Variants in WWOX observed in about 807,000 individuals in gnomAD.
WWOX encodes WW domain containing oxidoreductase.
WWOX carries 69 observed loss-of-function variants against 46.2 expected under a neutral mutation model. The observed-to-expected ratio is 1.49, with a 90% CI of 1.23 to 1.82. The LOEUF is 1.82. Among genes scored for constraint, WWOX ranks in the 40% most tolerant of loss-of-function variants. The pLI is 0.00. For missense variants in WWOX, 919 were observed against 542.6 expected (o/e 1.69, Z -6.89); for synonymous variants, 359 against 202.6 (o/e 1.77, Z -6.56).
intron 4 of WWOX, among the ~76,000 whole-genome samples, chr16:78,118,663 CT>C (rs1196966575): frequency 6.6e-6 from 1 of 152,178 alleles, no homozygotes; most frequent in African/African-American, 2.4e-5. Context: ...GCTCGCAAAA[CT>C]GTAAATATTT....
intron 4 of WWOX, among the ~76,000 whole-genome samples, chr16:78,121,362 C>G (rs2033083685): frequency 6.6e-6 from 1 of 152,112 alleles, no homozygotes; most frequent in Admixed American, 6.5e-5. Flanking sequence ...AGATTCTTGA[C>G]AGTGTTAGAC....
chr16:79,130,238 C>T (rs1014393786), intron 8 of WWOX, among the ~76,000 whole-genome samples: 3 of 152,162 alleles, frequency 2.0e-5, no homozygotes, highest in Admixed American at 2.0e-4. Context: ...GTACCACATA[C>T]AACAGAGGGG....
intron 6 of WWOX, among the ~76,000 whole-genome samples, chr16:78,422,177 C>T (rs2082949431): frequency 2.0e-5 from 3 of 152,092 alleles, no homozygotes; most frequent in Non-Finnish European, 2.9e-5. Flanking sequence ...TTTGTAAGAA[C>T]TCTTTATATA....
intron 8 of WWOX, among the ~76,000 whole-genome samples, chr16:78,618,691 A>G (rs766571247): frequency 6.6e-6 from 1 of 152,058 alleles, no homozygotes; most frequent in African/African-American, 2.4e-5. Flanking sequence ...CCGGGGGAAT[A>G]AAGCTAGAGT....
In WWOX at chr16:78,360,983, G is replaced by T. The variant is rs115495699; in HGVS notation, c.517-25877G>T. ...CTATACGCATGCACCACCATGCCTG[G>T]CTAATTTTTGCATTTGTTTTATCAA... On this transcript the variant is annotated intron_variant, in intron 5 of 8. Transcript: ENST00000566780. Among the ~76,000 whole-genome samples the T allele has an allele frequency of 2.6e-3, 396 of 152,130 alleles. 2 individuals carry two copies. Among genetic ancestry groups the T allele is most frequent in the African/African-American group, 9.3e-3 (385 of 41,496 alleles).
intron 8 of WWOX, among the ~76,000 whole-genome samples, chr16:78,539,923 C>G (rs1048696486): frequency 6.6e-6 from 1 of 152,062 alleles, no homozygotes; most frequent in Non-Finnish European, 1.5e-5. Flanking sequence ...TAAAACCACA[C>G]TTACATTTAA....
intron 8 of WWOX, among the ~76,000 whole-genome samples, chr16:78,445,636 C>T (rs756636010): frequency 4.0e-4 from 61 of 152,146 alleles, no homozygotes; most frequent in Admixed American, 1.2e-3. Flanking sequence ...AACAGGTTTA[C>T]AGGCTGAGGT....
chr16:78,704,322 G>C (rs927605653), intron 8 of WWOX, among the ~76,000 whole-genome samples: 1 of 152,092 alleles, frequency 6.6e-6, no homozygotes, highest in Non-Finnish European at 1.5e-5. Flanking sequence ...TGAAACTTAA[G>C]ATGTCAGCAC....
intron 8 of WWOX, among the ~76,000 whole-genome samples, chr16:78,594,455 TC>T (rs113640687): frequency 0.012 from 465 of 38,258 alleles, 11 homozygotes; most frequent in East Asian, 0.054. Context: ...CGCCAAATTG[TC>T]CCGTTGTCTC....
At chr16:78,431,107 G>C (rs956611149) in intron 7 of WWOX, among the ~76,000 whole-genome samples, 1 of 152,120 alleles carries the variant, frequency 6.6e-6, no homozygotes, top group African/African-American at 2.4e-5. Context: ...GATCCATTTT[G>C]TAAGGGAAGT....
At chr16:79,002,057 A>T (rs953448761) in intron 8 of WWOX, among the ~76,000 whole-genome samples, 1 of 152,070 alleles carries the variant, frequency 6.6e-6, no homozygotes, top group Non-Finnish European at 1.5e-5. Context: ...GTAATGGTAA[A>T]TTACACTAAT....
intron 5 of WWOX, among the ~76,000 whole-genome samples, chr16:78,328,214 A>C (rs948534738): frequency 7.0e-6 from 1 of 143,176 alleles, no homozygotes; most frequent in African/African-American, 2.8e-5. Flanking sequence ...CCTGTAACTC[A>C]AATTCCCGAA....
chr16:79,156,724 G>A (rs1329455144), intron 8 of WWOX, among the ~76,000 whole-genome samples: 1 of 151,906 alleles, frequency 6.6e-6, no homozygotes, highest in African/African-American at 2.4e-5. Flanking sequence ...ATTTAAGAGG[G>A]GGGTGGGGGC....
chr16:78,405,877 G>C (rs2082517911), intron 6 of WWOX, among the ~76,000 whole-genome samples: 1 of 152,146 alleles, frequency 6.6e-6, no homozygotes. Context: ...GGCAGACACA[G>C]GTGACGAAGT....
chr16:78,263,456 G>C (rs777940160), intron 5 of WWOX, among the ~76,000 whole-genome samples: 4 of 152,150 alleles, frequency 2.6e-5, no homozygotes, highest in Non-Finnish European at 5.9e-5. Context: ...GGTGAATGGG[G>C]AGAAGGGGAT....
intron 8 of WWOX, among the ~76,000 whole-genome samples, chr16:78,660,934 A>T (rs1395888505): frequency 6.6e-6 from 1 of 152,216 alleles, no homozygotes; most frequent in Non-Finnish European, 1.5e-5. Context: ...ATACTGCATG[A>T]CGGATAATAT....
intron 5 of WWOX, among the ~76,000 whole-genome samples, chr16:78,177,318 G>A (rs2035383383): frequency 6.6e-6 from 1 of 152,172 alleles, no homozygotes; most frequent in Admixed American, 6.5e-5. Context: ...TACGTGCTAG[G>A]TGGTAGAGTG....
chr16:78,952,428 G>C (rs913858272), intron 8 of WWOX, among the ~76,000 whole-genome samples: 1 of 146,058 alleles, frequency 6.8e-6, no homozygotes, highest in African/African-American at 2.6e-5. Flanking sequence ...TGTCCCCCAC[G>C]CTGGAGTACA....
chr16:78,698,380 G>A lies in WWOX; in HGVS notation c.1056+265628G>A, dbSNP rs550901446. 3.9e-5 allele frequency among the ~76,000 whole-genome samples: 6 copies of A among 152,156 alleles called. No homozygotes were observed. In the South Asian group the frequency reaches 1.2e-3, roughly 32 times the overall value. Reference sequence around the variant, plus strand: ...TCTTCCAGCCTTTGTGAGCACAGAGGTTTCGCTACATTTTGAAAATTAAAA... The same window carrying A: ...TCTTCCAGCCTTTGTGAGCACAGAGATTTCGCTACATTTTGAAAATTAAAA... On this transcript the variant is annotated intron_variant, in intron 8 of 8. Coordinates refer to ENST00000566780, the MANE Select transcript of WWOX (RefSeq NM_016373.4).
Sources: allele counts gnomAD v4.1 joint callset (sites outside exome capture counted in the v4.1 genomes callset), GRCh38; gene constraint gnomAD v4.1.1; transcripts MANE v1.5; gene names NCBI Gene and HGNC (gene_info 2026-07-23, HGNC 2026-07-21).